The following F2R variants were observed in gnomAD, a reference collection of about 807,000 sequenced individuals.
The protein encoded by F2R is coagulation factor II thrombin receptor.
A neutral mutation model predicts 18.3 loss-of-function variants in F2R; 12 were observed. The observed-to-expected ratio is 0.66, with a 90% confidence interval of 0.42 to 1.06. The LOEUF (loss-of-function observed/expected upper bound fraction) is 1.06, where lower values mean the gene tolerates loss of function less well. Among genes scored for constraint, F2R ranks in the 50% least tolerant of loss-of-function variants. The pLI, the probability that F2R is intolerant of heterozygous loss-of-function variation, is 0.00. For missense variants in F2R, 438 were observed against 530.8 expected (o/e 0.83, Z 1.72); for synonymous variants, 210 against 219.9 (o/e 0.95, Z 0.40).
At chr5:76,729,219 T>A (rs1748626696) in intron 1 of F2R, among the ~76,000 whole-genome samples, 1 of 152,244 alleles carries the variant, frequency 6.6e-6, no homozygotes, top group Non-Finnish European at 1.5e-5. Flanking sequence ...TATGAAGTGA[T>A]AACTCATTGT....
intron 1 of F2R, among the ~76,000 whole-genome samples, chr5:76,725,341 C>G (rs745754314): frequency 1.1e-4 from 16 of 152,110 alleles, no homozygotes; most frequent in African/African-American, 3.6e-4. Flanking sequence ...TTTAGAAGAG[C>G]CTAAATTAAG....
chr5:76,723,995 T>C (rs1748513287), intron 1 of F2R, among the ~76,000 whole-genome samples: 1 of 152,200 alleles, frequency 6.6e-6, no homozygotes, highest in Admixed American at 6.5e-5. Flanking sequence ...CCTTAGAGAT[T>C]AGAACTCTTT....
In F2R at chr5:76,733,578, C is replaced by T. The variant is rs1748725584; in HGVS notation, c.*75C>T. Reference sequence around the variant, plus strand: ...ACCTGAGGATTCTATTAGTCCCCACCCAAACTTTATTGATTCACCTCCTAA... The same window carrying T: ...ACCTGAGGATTCTATTAGTCCCCACTCAAACTTTATTGATTCACCTCCTAA... On this transcript the variant is annotated 3_prime_UTR_variant, in exon 2 of 2. Transcript: ENST00000319211. The T allele has an allele frequency of 2.2e-5, 26 of 1,209,140 alleles. No individual in the cohort carries two copies. The South Asian group carries it at 4.1e-4, about 19-fold the overall frequency. 74.9% of individuals were successfully genotyped at this position (1,209,140 alleles called of 1,614,324 possible). A position where few individuals can be genotyped will look rare whatever the true frequency, so the allele number is the denominator to read the frequency against.
intron 1 of F2R, among the ~76,000 whole-genome samples, chr5:76,721,696 C>G (rs771987024): frequency 1.3e-5 from 2 of 152,224 alleles, no homozygotes; most frequent in African/African-American, 4.8e-5. Flanking sequence ...AGAAACAACA[C>G]TTCACATTCT....
chr5:76,726,808 T>C (rs1580892208), intron 1 of F2R, among the ~76,000 whole-genome samples: 1 of 152,220 alleles, frequency 6.6e-6, no homozygotes, highest in African/African-American at 2.4e-5. Context: ...AAAAAATGTT[T>C]AAGTGCCAGA....
In F2R at chr5:76,732,516, C is replaced by T; in HGVS notation, c.291C>T (p.Thr97=). The T allele has an allele frequency of 6.2e-7, 1 of 1,614,114 alleles. No individual in the cohort carries two copies. Among genetic ancestry groups the T allele is most frequent in the South Asian group, 1.1e-5 (1 of 91,088 alleles). ...FISEDASGYL[T]SSWLTLFVPS... is the part of the protein sequence containing the mutation. ...CAGAAGATGCCTCCGGATATTTGAC[C>T]AGCTCCTGGCTGACACTCTTTGTCC... is the stretch of plus-strand genomic sequence containing the variant. Residue 97 remains threonine (T), a synonymous_variant, in exon 2 of 2, where the codon ACC becomes ACT. Coordinates refer to ENST00000319211, the MANE Select transcript of F2R (RefSeq NM_001992.5).
intron 1 of F2R, chr5:76,716,831 T>C: frequency 1.9e-6 from 1 of 525,330 alleles, no homozygotes; most frequent in Non-Finnish European, 3.4e-6. Flanking sequence ...GTTGGAAGTT[T>C]TTTTCTTGCA....
chr5:76,730,305 C>T (rs1748646554), intron 1 of F2R, among the ~76,000 whole-genome samples: 1 of 152,156 alleles, frequency 6.6e-6, no homozygotes. Flanking sequence ...TAGGGCTCCC[C>T]CTCTCTGACT....
chr5:76,727,175 G>A (rs917483585), intron 1 of F2R, among the ~76,000 whole-genome samples: 1 of 152,208 alleles, frequency 6.6e-6, no homozygotes, highest in African/African-American at 2.4e-5. Context: ...CTACATGGAA[G>A]TGGGAGAGGA....
chr5:76,716,402 G>C lies in F2R; in HGVS notation c.88+7G>C. The stretch of plus-strand genomic sequence containing the variant: ...ACCCGGGCCCGCAGGCCAGGTGAGA[G>C]ATGCACGGGAATGGGGTGCGCGGGC... On this transcript the variant is annotated splice_region_variant and intron_variant, in intron 1 of 1. Transcript: ENST00000319211. The C allele has an allele frequency of 6.9e-7, 1 of 1,439,724 alleles. No individual in the cohort carries two copies. Among genetic ancestry groups the C allele is most frequent in the Non-Finnish European group, 9.1e-7 (1 of 1,099,054 alleles). 89.2% of individuals were successfully genotyped at this position (1,439,724 alleles called of 1,614,324 possible). A position where few individuals can be genotyped will look rare whatever the true frequency, so the allele number is the denominator to read the frequency against.
At chr5:76,726,595 G>A (rs1406756370) in intron 1 of F2R, among the ~76,000 whole-genome samples, 1 of 152,074 alleles carries the variant, frequency 6.6e-6, no homozygotes, top group Non-Finnish European at 1.5e-5. Context: ...CAGCTACTTG[G>A]GAGGCTGAGG....
In F2R at chr5:76,716,670, C is replaced by T. The variant is rs756150670; in HGVS notation, c.88+275C>T. 15 of 745,490 alleles carry T rather than the reference C, an allele frequency of 2.0e-5. No homozygotes were observed. In the East Asian group the frequency reaches 2.8e-4, roughly 14 times the overall value. The allele number at this position is 745,490 out of a possible 1,614,324, so 46.2% of individuals were successfully genotyped here. ...ATGGAGGAGGATGGAGCGGAAGCCC[C>T]CTGGGGGAGCCTGCAGTCCTGCGTT... On this transcript the variant is annotated intron_variant, in intron 1 of 1. Coordinates refer to ENST00000319211, the MANE Select transcript of F2R (RefSeq NM_001992.5).
rs1417418939 is a variant in F2R, at chr5:76,735,019, A to G, written c.*1516A>G. On this transcript the variant is annotated 3_prime_UTR_variant, in exon 2 of 2. Transcript: ENST00000319211. ...ATAATTTCCATTTACTTAAGACTTA[A>G]TGAGACTTTAAAAGCATTTTTTAAC... 6.6e-6 allele frequency: 1 copy of G among 152,344 alleles called. No homozygotes were observed. The highest frequency in any genetic ancestry group is 1.5e-5 in the Non-Finnish European group (1 of 68,032). The allele number at this position is 152,344 out of a possible 1,614,324, so 9.4% of individuals were successfully genotyped here. A position where few individuals can be genotyped will look rare whatever the true frequency, so the allele number is the denominator to read the frequency against.
intron 1 of F2R, among the ~76,000 whole-genome samples, chr5:76,718,823 A>G (rs1238849005): frequency 6.6e-6 from 1 of 152,234 alleles, no homozygotes; most frequent in East Asian, 1.9e-4. Context: ...TAGAGGGTTA[A>G]AGTGTTCAAG....
chr5:76,719,416 C>T (rs904848111), intron 1 of F2R, among the ~76,000 whole-genome samples: 6 of 152,148 alleles, frequency 3.9e-5, no homozygotes, highest in Non-Finnish European at 7.4e-5. Flanking sequence ...ATGGTGAAAC[C>T]CTGTCTCTAC....
chr5:76,728,926 G>A (rs1158175267), intron 1 of F2R, among the ~76,000 whole-genome samples: 2 of 152,040 alleles, frequency 1.3e-5, no homozygotes, highest in South Asian at 2.1e-4. Flanking sequence ...CCTGACCTCA[G>A]GTGATCCACC....
intron 1 of F2R, among the ~76,000 whole-genome samples, chr5:76,729,706 G>A (rs149039036): frequency 2.0e-5 from 3 of 152,276 alleles, no homozygotes; most frequent in Middle Eastern, 6.8e-3. Context: ...GGGACAAGAC[G>A]TCCAGAGTTT....
At position 76,731,403 on chromosome 5, in the gene F2R, G is replaced by A. The variant is rs754746228; in HGVS notation, c.89-911G>A. Among the ~76,000 whole-genome samples the A allele has an allele frequency of 5.3e-5, 8 of 152,046 alleles. No individual in the cohort carries two copies. The South Asian group carries it at 1.5e-3, about 28-fold the overall frequency. On this transcript the variant is annotated intron_variant, in intron 1 of 1. Transcript: ENST00000319211. ...GCAGGAGAATTCCTTGAACCCCGGAGGCGGAGGTTGCGGTGAGCCGAGATC... is the reference window on the plus strand; with the variant it reads ...GCAGGAGAATTCCTTGAACCCCGGAAGCGGAGGTTGCGGTGAGCCGAGATC...
At chr5:76,731,234 T>G (rs544584992) in intron 1 of F2R, among the ~76,000 whole-genome samples, 2 of 152,296 alleles carry the variant, frequency 1.3e-5, no homozygotes, top group East Asian at 3.9e-4. Context: ...AACTAAAGAC[T>G]GTAGAGGAAA....
Sources: allele counts gnomAD v4.1 joint callset (sites outside exome capture counted in the v4.1 genomes callset), GRCh38; gene constraint gnomAD v4.1.1; transcripts MANE v1.5; gene names NCBI Gene and HGNC (gene_info 2026-07-23, HGNC 2026-07-21).